The following NFKBIE variants were observed in gnomAD, a reference collection of about 807,000 sequenced individuals.
The protein encoded by NFKBIE is NFKB inhibitor epsilon, also known as NF-kappa-B inhibitor epsilon.
NFKBIE carries 11 observed loss-of-function variants against 31.6 expected under a neutral mutation model. The observed-to-expected ratio is 0.35, with a 90% CI of 0.22 to 0.58. The LOEUF (loss-of-function observed/expected upper bound fraction) is 0.58. NFKBIE is among the 20% of genes least tolerant of loss of function. The pLI is 0.83. For missense variants in NFKBIE, 354 were observed against 465.7 expected, an observed-to-expected ratio of 0.76 and a Z score of 2.21; for synonymous variants, 208 against 210.1, an observed-to-expected ratio of 0.99 and a Z score of 0.09.
Position 44,265,024 on chromosome 6 carries a change from T to A in NFKBIE, c.323A>T (p.Gln108Leu). ...GATGTAAGTGAGTGCTTCCAGCTGC[T>A]GAGGGCTCAGCGCCCCCACGTGGGG... ...PLPHVGALSP[Q>L]QLEALTYISE... The change falls in exon 1 of 6, where the codon CAG becomes CTG. Residue 108 changes from glutamine (Q) to leucine (L), a missense_variant. Around this residue, in one of 2 missense-constraint regions of NFKBIE, gnomAD observed 171 missense variants for 155.1 expected, o/e 1.10. Transcript: ENST00000619360. 1 of 1,585,756 alleles carries A rather than the reference T, an allele frequency of 6.3e-7. No individual in the cohort carries two copies. The highest frequency in any genetic ancestry group is 2.3e-5 in the East Asian group (1 of 43,994).
Position 44,261,962 on chromosome 6 carries a change from A to AC in NFKBIE, c.469-115_469-114insG. ...GCATCTTCTTTGAAAGCAGCTTATA[A>AC]AGGCCATAACCTGTTCTTCCAAGGA... On this transcript the variant is annotated intron_variant, in intron 2 of 5. Coordinates refer to ENST00000619360, the MANE Select transcript of NFKBIE (RefSeq NM_004556.3). The surrounding 1 kb of genome is among the most constrained non-coding windows in gnomAD (Gnocchi z 4.3). 1.0e-6 allele frequency: 1 copy of AC among 954,528 alleles called. No homozygotes were observed. The highest frequency in any genetic ancestry group is 1.6e-6 in the Non-Finnish European group (1 of 636,182). 59.1% of individuals were successfully genotyped at this position (954,528 alleles called of 1,614,324 possible). A position where few individuals can be genotyped will look rare whatever the true frequency, so the allele number is the denominator to read the frequency against.
chr6:44,260,953 C>T lies in NFKBIE; in HGVS notation c.692-414G>A, dbSNP rs1328058293. On this transcript the variant is annotated intron_variant, in intron 3 of 5. Coordinates refer to ENST00000619360, the MANE Select transcript of NFKBIE (RefSeq NM_004556.3). This position sits in a 1 kb window ranked among gnomAD's most constrained non-coding sequence, Gnocchi z 5.5. ...TGAAAAGCCACCTAAGATCCTCATG[C>T]CCCCAGCCCTTTCTCAGGGGCCGCT... 1.3e-5 allele frequency among the ~76,000 whole-genome samples: 2 copies of T among 152,060 alleles called. No homozygotes were observed. The highest frequency in any genetic ancestry group is 2.9e-5 in the Non-Finnish European group (2 of 68,010).
chr6:44,263,759 TG>T lies in NFKBIE; in HGVS notation c.366-1098del, dbSNP rs1782012255. 1.3e-5 allele frequency among the ~76,000 whole-genome samples: 2 copies of T among 152,190 alleles called. No individual in the cohort carries two copies. The highest frequency in any genetic ancestry group is 4.8e-5 in the African/African-American group (2 of 41,506). On this transcript the variant is annotated intron_variant, in intron 1 of 5. Transcript: ENST00000619360. This position sits in a 1 kb window ranked among gnomAD's most constrained non-coding sequence, Gnocchi z 5.0. ...TGCCCCCTGCTCTCTGGGGACTCGCTGGGGAGCCCGGACATTTCTCCCCTCC... is the reference window on the plus strand; with the variant it reads ...TGCCCCCTGCTCTCTGGGGACTCGCTGGGAGCCCGGACATTTCTCCCCTCC...
Position 44,265,397 on chromosome 6 carries a change from G to T in NFKBIE, c.-51C>A. On this transcript the variant is annotated 5_prime_UTR_variant, in exon 1 of 6. In the 5' UTR this introduces an upstream ATG that the reference lacks. Transcript: ENST00000619360. ...CCGGTCTGAGCAGGATCCGGCTCCA[G>T]GCTCCGCCGCGCCGCCTTTCCGGGT... 6.4e-7 allele frequency: 1 copy of T among 1,551,974 alleles called. No individual in the cohort carries two copies.
rs1781918944 is a variant in NFKBIE at position 44,261,474 on chromosome 6, T to C, written c.691+152A>G. The stretch of plus-strand genomic sequence containing the variant: ...GAAATCAAATCATCCATTCATTCAT[T>C]TGGCAAAGATGTACTGAATATCTAT... On this transcript the variant is annotated intron_variant, in intron 3 of 5. Transcript: ENST00000619360. The surrounding 1 kb of genome is among the most constrained non-coding windows in gnomAD (Gnocchi z 4.3). The C allele has an allele frequency of 4.1e-6, 3 of 724,390 alleles. No homozygotes were observed. Among genetic ancestry groups the C allele is most frequent in the Admixed American group, 5.8e-5 (2 of 34,580 alleles). The allele number at this position is 724,390 out of a possible 1,614,324, so 44.9% of individuals were successfully genotyped here.
Position 44,261,718 on chromosome 6 carries a change from T to C in NFKBIE, c.599A>G (p.His200Arg). 6.2e-7 allele frequency: 1 copy of C among 1,614,120 alleles called. No individual in the cohort carries two copies. Among genetic ancestry groups the C allele is most frequent in the South Asian group, 1.1e-5 (1 of 91,080 alleles). The change falls in exon 3 of 6, where the codon CAC (histidine) becomes CGC (arginine). Residue 200 changes from histidine (H) to arginine (R), a missense_variant. Coordinates refer to ENST00000619360, the MANE Select transcript of NFKBIE (RefSeq NM_004556.3). The surrounding 1 kb of genome is among the most constrained non-coding windows in gnomAD (Gnocchi z 4.3). The stretch of plus-strand genomic sequence containing the variant: ...CAGCAGGCAGCGGGCACAGGCCAAG[T>C]GCTGGCGCTGGCAGGCCACATGAAG... Reference protein sequence around the residue: ...TALHVACQRQHLACARCLLEG... With the variant: ...TALHVACQRQRLACARCLLEG...
At chr6:44,264,836 A>C (rs184157358) in intron 1 of NFKBIE, 146 bp downstream of exon 1, 1,006 of 932,576 alleles carry the variant, frequency 1.1e-3, no homozygotes, top group Non-Finnish European at 1.4e-3. Flanking sequence ...TGGACCTCAA[A>C]AGTGGGCTGA....
Position 44,265,123 on chromosome 6 carries a change from G to A in NFKBIE, c.224C>T (p.Ser75Phe). 6.4e-7 allele frequency: 1 copy of A among 1,553,448 alleles called. No individual in the cohort carries two copies. The highest frequency in any genetic ancestry group is 2.4e-5 in the East Asian group (1 of 41,310). Reference protein sequence around the residue: ...DGERADSTYGSSSLTYTLSLL... With the variant: ...DGERADSTYGFSSLTYTLSLL... The stretch of plus-strand genomic sequence containing the variant: ...GGACAGGGTGTAGGTGAGCGAGGAG[G>A]AGCCATAGGTGGAATCAGCCCGCTC... The change falls in exon 1 of 6, where the codon TCC becomes TTC. Residue 75 changes from serine (S) to phenylalanine (F), a missense_variant. Coordinates refer to ENST00000619360, the MANE Select transcript of NFKBIE (RefSeq NM_004556.3).
chr6:44,261,646 A>C lies in NFKBIE; in HGVS notation c.671T>G (p.Leu224Arg). 6.2e-7 allele frequency: 1 copy of C among 1,614,160 alleles called. No individual in the cohort carries two copies. Among genetic ancestry groups the C allele is most frequent in the Non-Finnish European group, 8.5e-7 (1 of 1,179,998 alleles). Residue 224 changes from leucine (L) to arginine (R), a missense_variant, in exon 3 of 6, where the codon CTC becomes CGC. Physicochemically the swap from Leu to Arg is moderately radical, Grantham distance 102. Transcript: ENST00000619360. The surrounding 1 kb of genome is among the most constrained non-coding windows in gnomAD (Gnocchi z 4.3). ...PGRGTSHSLD[L>R]QLQNWQGLAC... ...CACACCTTGCCAGTTTTGCAGCTGG[A>C]GGTCCAGAGAGTGAGATGTTCCTCT...
Position 44,265,432 on chromosome 6 carries a change from G to C in NFKBIE, c.-86C>G. On this transcript the variant is annotated 5_prime_UTR_variant, in exon 1 of 6. Coordinates refer to ENST00000619360, the MANE Select transcript of NFKBIE (RefSeq NM_004556.3). ...CGCCGCCTTTCCGGGTTGCGGGTCC[G>C]CTTGGCAGAGCGGGCGCCCGGCCCG... 6.6e-7 allele frequency: 1 copy of C among 1,526,500 alleles called. No homozygotes were observed. The highest frequency in any genetic ancestry group is 8.7e-7 in the Non-Finnish European group (1 of 1,144,052). 94.6% of individuals were successfully genotyped at this position (1,526,500 alleles called of 1,614,324 possible).
chr6:44,264,213 G>C (rs1782029960), intron 1 of NFKBIE, among the ~76,000 whole-genome samples: 1 of 152,120 alleles, frequency 6.6e-6, no homozygotes, highest in Non-Finnish European at 1.5e-5. Context: ...TCTTCTTCCT[G>C]GGGGGCTAAA....
Position 44,259,169 on chromosome 6 carries a change from G to C in NFKBIE, c.*50C>G. On this transcript the variant is annotated 3_prime_UTR_variant, in exon 6 of 6. Coordinates refer to ENST00000619360, the MANE Select transcript of NFKBIE (RefSeq NM_004556.3). ...CCAAACTGCAGCAGTTATGGCTCCG[G>C]CTTCCAGATGGAGAGGTGGAGCCCT... is the stretch of plus-strand genomic sequence containing the variant. The C allele has an allele frequency of 3.8e-6, 6 of 1,599,312 alleles. No homozygotes were observed. Among genetic ancestry groups the C allele is most frequent in the Non-Finnish European group, 5.1e-6 (6 of 1,167,676 alleles).
In NFKBIE at chr6:44,261,402, CA is replaced by C. The variant is rs1781915817; in HGVS notation, c.691+223del. On this transcript the variant is annotated intron_variant, in intron 3 of 5. Coordinates refer to ENST00000619360, the MANE Select transcript of NFKBIE (RefSeq NM_004556.3). The surrounding 1 kb of genome is among the most constrained non-coding windows in gnomAD (Gnocchi z 4.3). ...TCTATTAAACTAAGTATCTTAAGGG[CA>C]AGATTTAGTTTTCTTCTCAGCAGGC... Among the ~76,000 whole-genome samples, 1 of 152,220 alleles carries C rather than the reference CA, an allele frequency of 6.6e-6. No individual in the cohort carries two copies. Among genetic ancestry groups the C allele is most frequent in the Non-Finnish European group, 1.5e-5 (1 of 68,038 alleles).
At position 44,260,292 on chromosome 6, in the gene NFKBIE, A is replaced by G. The variant is rs778545028; in HGVS notation, c.781-10T>C. ...TACCACTGGTGCCCTCCTGGGGAGG[A>G]ATAAGGATGTCAGCCAAGGCCCTCA... On this transcript the variant is annotated splice_polypyrimidine_tract_variant and intron_variant, in intron 4 of 5. Coordinates refer to ENST00000619360, the MANE Select transcript of NFKBIE (RefSeq NM_004556.3). The surrounding 1 kb of genome is among the most constrained non-coding windows in gnomAD (Gnocchi z 5.5). The G allele has an allele frequency of 6.8e-6, 11 of 1,606,946 alleles. No individual in the cohort carries two copies. Among genetic ancestry groups the G allele is most frequent in the Non-Finnish European group, 7.7e-6 (9 of 1,174,322 alleles).
rs1328601337 is a variant in NFKBIE, at chr6:44,265,520, G to A, written c.-174C>T. ...CCGGCGCGCAGCGAGGACAAGGTTC[G>A]GAGCGCTGGCCAGGTCCACCCAGCG... On this transcript the variant is annotated 5_prime_UTR_variant, in exon 1 of 6. Transcript: ENST00000619360. 19 of 1,561,966 alleles carry A rather than the reference G, an allele frequency of 1.2e-5. No homozygotes were observed. The highest frequency in any genetic ancestry group is 1.6e-5 in the Non-Finnish European group (19 of 1,155,644).
In NFKBIE at chr6:44,262,559, C is replaced by T; in HGVS notation, c.468+1G>A. The T allele has an allele frequency of 1.9e-6, 3 of 1,613,620 alleles. No homozygotes were observed. The highest frequency in any genetic ancestry group is 2.5e-6 in the Non-Finnish European group (3 of 1,179,628). On this transcript the variant is annotated splice_donor_variant, in intron 2 of 5. Coordinates refer to ENST00000619360, the MANE Select transcript of NFKBIE (RefSeq NM_004556.3). LOFTEE classifies it high-confidence loss of function. ...GGGCATAACATTCTCTCGCCACCAACCTGGTAAAGGTTATTTTGAATGTCC... is the reference window on the plus strand; with the variant it reads ...GGGCATAACATTCTCTCGCCACCAATCTGGTAAAGGTTATTTTGAATGTCC...
Position 44,262,635 on chromosome 6 carries a change from C to G in NFKBIE, c.393G>C (p.Glu131Asp). 6.2e-7 allele frequency: 1 copy of G among 1,614,136 alleles called. No homozygotes were observed. Among genetic ancestry groups the G allele is most frequent in the Non-Finnish European group, 8.5e-7 (1 of 1,179,990 alleles). The change falls in exon 2 of 6, where the codon GAG becomes GAC. Residue 131 changes from glutamate (E) to aspartate (D), a missense_variant. This residue lies in a region of NFKBIE where 183 missense variants were observed against 310.6 expected (regional missense o/e 0.59). Transcript: ENST00000619360. ...GGCAACAGAGCAGCACCGCTGGGGCCTCATGAATCACTGCCAGGTGGACCA... is the reference window on the plus strand; with the variant it reads ...GGCAACAGAGCAGCACCGCTGGGGCGTCATGAATCACTGCCAGGTGGACCA... ...DTLVHLAVIH[E>D]APAVLLCCLA...
rs1583009126 is a variant in NFKBIE at position 44,261,909 on chromosome 6, G to T, written c.469-61C>A. On this transcript the variant is annotated intron_variant, in intron 2 of 5. Coordinates refer to ENST00000619360, the MANE Select transcript of NFKBIE (RefSeq NM_004556.3). This position sits in a 1 kb window ranked among gnomAD's most constrained non-coding sequence, Gnocchi z 4.3. ...AGCATGCTCCCACCTCTGGGAACAT[G>T]CTTGGGCTCAAGAATCACCAGCTGC... 2 of 1,461,430 alleles carry T rather than the reference G, an allele frequency of 1.4e-6. No homozygotes were observed. The highest frequency in any genetic ancestry group is 2.4e-5 in the East Asian group (1 of 41,246). The allele number at this position is 1,461,430 out of a possible 1,614,324, so 90.5% of individuals were successfully genotyped here.
chr6:44,260,883 ACACACAC>A lies in NFKBIE; in HGVS notation c.692-351_692-345del, dbSNP rs1781891107. Among the ~76,000 whole-genome samples the A allele has an allele frequency of 5.3e-5, 8 of 150,960 alleles. No individual in the cohort carries two copies. In the South Asian group the frequency reaches 1.5e-3, roughly 28 times the overall value. ...CAGACACACACACACACACACACAC[ACACACAC>A]AACCTGCCTTCAAGCCCAGTCTGAA... On this transcript the variant is annotated intron_variant, in intron 3 of 5. Coordinates refer to ENST00000619360, the MANE Select transcript of NFKBIE (RefSeq NM_004556.3). This position sits in a 1 kb window ranked among gnomAD's most constrained non-coding sequence, Gnocchi z 5.5.
Sources: allele counts gnomAD v4.1 joint callset (sites outside exome capture counted in the v4.1 genomes callset), GRCh38; gene constraint gnomAD v4.1.1; regional missense constraint gnomAD v4.1.1; non-coding constraint Gnocchi (gnomAD v3.1); transcripts MANE v1.5; gene names NCBI Gene and HGNC (gene_info 2026-07-23, HGNC 2026-07-21).